The following MAGI2 variants were observed in gnomAD, a reference collection of about 807,000 sequenced individuals.
MAGI2 encodes the protein membrane-associated guanylate kinase, WW and PDZ domain-containing protein 2.
A neutral mutation model predicts 133.3 loss-of-function variants in MAGI2; 35 were observed. The observed-to-expected ratio is 0.26, with a 90% CI of 0.20 to 0.35. MAGI2 has a LOEUF of 0.35. Among genes scored for constraint, MAGI2 ranks in the 10% least tolerant of loss-of-function variants. MAGI2 has a pLI of 1.00. For missense variants in MAGI2, 1,636 were observed against 1,863.4 expected (o/e 0.88, Z 2.25); for synonymous variants, 729 against 710.6 (o/e 1.03, Z -0.41).
chr7:79,377,068 T>C (rs890435537), intron 1 of MAGI2, among the ~76,000 whole-genome samples: 20 of 151,816 alleles, frequency 1.3e-4, no homozygotes, highest in African/African-American at 4.4e-4. Context: ...AAAGTTAAGA[T>C]TTTTAAAATA....
At chr7:78,140,274 C>T (rs750922447) in intron 16 of MAGI2, among the ~76,000 whole-genome samples, 6 of 152,128 alleles carry the variant, frequency 3.9e-5, no homozygotes, top group Non-Finnish European at 7.4e-5. Context: ...ATTAGATCCC[C>T]CCTTCTCTCC....
chr7:78,119,206 T>C (rs1426194426), intron 20 of MAGI2, among the ~76,000 whole-genome samples: 3 of 152,042 alleles, frequency 2.0e-5, no homozygotes, highest in Non-Finnish European at 4.4e-5. Flanking sequence ...GCAGTAAAAA[T>C]ACTCTTTATG....
intron 1 of MAGI2, among the ~76,000 whole-genome samples, chr7:79,375,048 A>C (rs1020328383): frequency 6.6e-6 from 1 of 151,568 alleles, no homozygotes; most frequent in Non-Finnish European, 1.5e-5. Context: ...AACATCCCAA[A>C]CTCACCTCTC....
intron 10 of MAGI2, among the ~76,000 whole-genome samples, chr7:78,211,537 A>C (rs150836335): frequency 0.029 from 4,370 of 152,288 alleles, 105 homozygotes; most frequent in Non-Finnish European, 0.044. Flanking sequence ...TTTGTGGCTC[A>C]CAGATGCATG....
chr7:78,064,333 T>C (rs1232324299), intron 21 of MAGI2, among the ~76,000 whole-genome samples: 1 of 151,120 alleles, frequency 6.6e-6, no homozygotes, highest in Non-Finnish European at 1.5e-5. Context: ...TGGTTTTGTG[T>C]GTGTGTGTGT....
chr7:79,006,202 C>G (rs1037118633), intron 2 of MAGI2, among the ~76,000 whole-genome samples: 2 of 151,992 alleles, frequency 1.3e-5, no homozygotes, highest in Non-Finnish European at 2.9e-5. Context: ...TTATTTGTTT[C>G]ACTTATACCA....
At chr7:79,092,368 A>T (rs1251892092) in intron 1 of MAGI2, among the ~76,000 whole-genome samples, 2 of 152,186 alleles carry the variant, frequency 1.3e-5, no homozygotes, top group Non-Finnish European at 2.9e-5. Flanking sequence ...ATCAGTTCCA[A>T]GGATAAAGTT....
At chr7:78,667,377 T>C (rs925674532) in intron 2 of MAGI2, among the ~76,000 whole-genome samples, 1 of 151,630 alleles carries the variant, frequency 6.6e-6, no homozygotes, top group Non-Finnish European at 1.5e-5. Flanking sequence ...TCTTTTTTTT[T>C]TAATTTTTTA....
intron 3 of MAGI2, among the ~76,000 whole-genome samples, chr7:78,563,817 T>C (rs1001774252): frequency 2.0e-5 from 3 of 152,156 alleles, no homozygotes; most frequent in African/African-American, 7.2e-5. Context: ...AACAAGATTA[T>C]AGTCAAAATA....
At chr7:78,850,791 C>T (rs1313356792) in intron 2 of MAGI2, among the ~76,000 whole-genome samples, 1 of 152,082 alleles carries the variant, frequency 6.6e-6, no homozygotes, top group Admixed American at 6.6e-5. Flanking sequence ...TCAGCCAAAG[C>T]ACTGACTGGA....
intron 1 of MAGI2, among the ~76,000 whole-genome samples, chr7:79,159,717 G>A (rs1225805870): frequency 2.0e-5 from 3 of 151,982 alleles, no homozygotes; most frequent in African/African-American, 7.2e-5. Context: ...TCTTCAGACT[G>A]ATATTTCAGA....
chr7:78,736,706 G>A (rs756414860), intron 2 of MAGI2, among the ~76,000 whole-genome samples: 10 of 151,952 alleles, frequency 6.6e-5, no homozygotes, highest in Non-Finnish European at 1.0e-4. Flanking sequence ...ATAACTGCTG[G>A]TACCTTATCA....
chr7:78,811,782 A>G (rs1418109905), intron 2 of MAGI2, among the ~76,000 whole-genome samples: 10 of 152,212 alleles, frequency 6.6e-5, no homozygotes, highest in African/African-American at 2.2e-4. Flanking sequence ...GTGGTGTGGT[A>G]GGCTGAATAA....
At chr7:78,214,678 T>G (rs1205571767) in intron 10 of MAGI2, among the ~76,000 whole-genome samples, 1 of 152,210 alleles carries the variant, frequency 6.6e-6, no homozygotes, top group Non-Finnish European at 1.5e-5. Context: ...AGCTAAGACT[T>G]GAAATCAATC....
At chr7:78,092,534 A>G (rs969070594) in intron 20 of MAGI2, among the ~76,000 whole-genome samples, 5 of 152,250 alleles carry the variant, frequency 3.3e-5, no homozygotes, top group Non-Finnish European at 5.9e-5. Flanking sequence ...CTGAGCTATG[A>G]AATTGGGCAG....
chr7:78,424,616 G>A, intron 6 of MAGI2, among the ~76,000 whole-genome samples: 1 of 152,170 alleles, frequency 6.6e-6, no homozygotes, highest in Non-Finnish European at 1.5e-5. Flanking sequence ...CAGGAGGGAG[G>A]CTGTACCCTG....
intron 1 of MAGI2, among the ~76,000 whole-genome samples, chr7:79,094,926 T>G (rs1033459179): frequency 1.4e-4 from 22 of 152,264 alleles, no homozygotes; most frequent in African/African-American, 5.1e-4. Context: ...GGCCCCAGAA[T>G]TTTTGGAATG....
At chr7:78,070,519 TATATGTATATATGTGTAC>T (rs1405760542) in intron 21 of MAGI2, among the ~76,000 whole-genome samples, 5,799 of 141,502 alleles carry the variant, frequency 0.041, 167 homozygotes, top group South Asian at 0.069. Context: ...TATGTGTGTA[TATATGTATATATGTGTAC>T]ATATGTATAT....
intron 10 of MAGI2, among the ~76,000 whole-genome samples, chr7:78,211,791 GTT>G (rs1031589167): frequency 4.1e-4 from 63 of 152,252 alleles, no homozygotes; most frequent in African/African-American, 1.5e-3. Flanking sequence ...TTCCTTCACT[GTT>G]TTCCACTTTT....
Sources: gnomAD v4.1 joint callset for allele counts (sites outside exome capture counted in the v4.1 genomes callset) on GRCh38, gnomAD v4.1.1 for gene constraint, MANE v1.5 for transcripts, NCBI Gene and HGNC (gene_info 2026-07-23, HGNC 2026-07-21) for gene names.